IL1RAPL1: variants seen among roughly 807,000 people sequenced by gnomAD.
IL1RAPL1 encodes interleukin-1 receptor accessory protein-like 1.
Under a neutral mutation model 48.4 loss-of-function variants are expected in IL1RAPL1, and 3 were observed. That is an observed-to-expected ratio of 0.06 (90% CI 0.03 to 0.16). The LOEUF (loss-of-function observed/expected upper bound fraction) is 0.16, where lower values mean the gene tolerates loss of function less well. Ranked by LOEUF, IL1RAPL1 falls within the 10% of genes least tolerant of loss-of-function variation. IL1RAPL1 has a pLI of 1.00. For synonymous variants in IL1RAPL1, 185 were observed against 187.7 expected, an observed-to-expected ratio of 0.99 and a Z score of 0.12; for missense variants, 349 against 530.6, an observed-to-expected ratio of 0.66 and a Z score of 3.36.
In IL1RAPL1 at chrX:29,548,090, A is replaced by G. The variant is rs187487596; in HGVS notation, c.704-120340A>G. The stretch of plus-strand genomic sequence containing the variant: ...GATACGCTTGTTCCATTTCAAGTCA[A>G]ATGACACCATTAGTTAATTAGTGTT... On this transcript the variant is annotated intron_variant, in intron 5 of 10. Coordinates refer to ENST00000378993, the MANE Select transcript of IL1RAPL1 (RefSeq NM_014271.4). 2.7e-5 allele frequency among the ~76,000 whole-genome samples: 3 copies of G among 112,756 alleles called. No individual in the cohort carries two copies. The East Asian group carries it at 8.3e-4, about 31-fold the overall frequency.
intron 2 of IL1RAPL1, among the ~76,000 whole-genome samples, chrX:29,158,466 C>T (rs769146769): frequency 3.4e-4 from 38 of 110,852 alleles, no homozygotes; most frequent in African/African-American, 1.1e-3. Flanking sequence ...CTCTGCCTAC[C>T]GGGTTCAAGT....
chrX:29,463,058 A>T (rs768971809), intron 5 of IL1RAPL1, among the ~76,000 whole-genome samples: 32 of 111,925 alleles, frequency 2.9e-4, no homozygotes, highest in Non-Finnish European at 5.6e-4. Context: ...CTAATAACAG[A>T]TTTGCCCTGT....
intron 5 of IL1RAPL1, among the ~76,000 whole-genome samples, chrX:29,587,517 G>A (rs183306778): frequency 7.2e-5 from 8 of 111,282 alleles, no homozygotes; most frequent in Admixed American, 1.9e-4. Flanking sequence ...GCTCAGAGTA[G>A]ATTTTAAGCA....
At chrX:28,841,214 C>T (rs1050958589) in intron 2 of IL1RAPL1, among the ~76,000 whole-genome samples, 15 of 110,599 alleles carry the variant, frequency 1.4e-4, no homozygotes, top group African/African-American at 4.6e-4. Flanking sequence ...GACAAATTTA[C>T]ACTTATTATG....
chrX:28,945,887 GTATA>G (rs748338390), intron 2 of IL1RAPL1, among the ~76,000 whole-genome samples: 7 of 58,417 alleles, frequency 1.2e-4, no homozygotes, highest in South Asian at 7.1e-4. Context: ...ATATATGTAT[GTATA>G]TATATATATA....
chrX:29,455,471 G>A (rs936661062), intron 5 of IL1RAPL1, among the ~76,000 whole-genome samples: 9 of 111,828 alleles, frequency 8.0e-5, no homozygotes, highest in African/African-American at 2.3e-4. Context: ...AAGAGAAGTA[G>A]AGTGTTAATT....
At chrX:29,497,643 A>G (rs1935227806) in intron 5 of IL1RAPL1, among the ~76,000 whole-genome samples, 1 of 110,877 alleles carries the variant, frequency 9.0e-6, no homozygotes, top group South Asian at 3.7e-4. Context: ...GCTTGCTTAT[A>G]TTATTTTGTA....
At chrX:29,410,783 A>G (rs1004795037) in intron 5 of IL1RAPL1, among the ~76,000 whole-genome samples, 2 of 112,589 alleles carry the variant, frequency 1.8e-5, no homozygotes, top group African/African-American at 6.5e-5. Context: ...AAAAAGTTAC[A>G]TAATTCAAAT....
rs1044618653 is a variant in IL1RAPL1, at chrX:29,137,255, C to T, written c.83-145683C>T. Reference sequence around the variant, plus strand: ...TTAAAAAATTACACACACACACTTGCGCTCACACACACACACACACACACA... The same window carrying T: ...TTAAAAAATTACACACACACACTTGTGCTCACACACACACACACACACACA... On this transcript the variant is annotated intron_variant, in intron 2 of 10. Transcript: ENST00000378993. Among the ~76,000 whole-genome samples the T allele has an allele frequency of 2.9e-4, 10 of 33,954 alleles. No homozygotes were observed. In the East Asian group the frequency reaches 4.5e-3, roughly 15 times the overall value. The allele number at this position is 33,954 out of a possible 115,157, so 29.5% of individuals were successfully genotyped here. A position where few individuals can be genotyped will look rare whatever the true frequency, so the allele number is the denominator to read the frequency against.
chrX:28,930,249 A>G (rs1314505173), intron 2 of IL1RAPL1, among the ~76,000 whole-genome samples: 1 of 112,562 alleles, frequency 8.9e-6, no homozygotes, highest in African/African-American at 3.2e-5. Flanking sequence ...AACATGCAGT[A>G]GCTATTTTTT....
At position 29,752,792 on chromosome X, in the gene IL1RAPL1, G is replaced by C. The variant is rs146478614; in HGVS notation, c.778+84288G>C. Among the ~76,000 whole-genome samples the C allele has an allele frequency of 3.2e-4, 36 of 111,745 alleles. No homozygotes were observed. In the East Asian group the frequency reaches 9.3e-3, roughly 29 times the overall value. The stretch of plus-strand genomic sequence containing the variant: ...TTAGAAATGGTACAGAGGAAAGTTA[G>C]TAAAAGTAATCACTCTAAAAGTGAG... On this transcript the variant is annotated intron_variant, in intron 6 of 10. Transcript: ENST00000378993.
chrX:29,382,214 G>A (rs1933720442), intron 3 of IL1RAPL1, among the ~76,000 whole-genome samples: 1 of 111,412 alleles, frequency 9.0e-6, no homozygotes, highest in Non-Finnish European at 1.9e-5. Flanking sequence ...GGGAAAACTT[G>A]ACATTCAGAT....
At chrX:29,919,828 C>A in intron 7 of IL1RAPL1, 121 bp from the exon 8 acceptor site, 1 of 699,936 alleles carries the variant, frequency 1.4e-6, no homozygotes. Context: ...AATTCATAGC[C>A]AAATTAGAAG....
At chrX:29,298,813 A>G (rs1405937300) in intron 3 of IL1RAPL1, among the ~76,000 whole-genome samples, 1 of 111,699 alleles carries the variant, frequency 9.0e-6, no homozygotes, top group Non-Finnish European at 1.9e-5. Flanking sequence ...AATGTTTTAT[A>G]GGACTATCAT....
chrX:29,532,869 C>T (rs752067600), intron 5 of IL1RAPL1, among the ~76,000 whole-genome samples: 3 of 111,693 alleles, frequency 2.7e-5, no homozygotes, highest in South Asian at 7.6e-4. Flanking sequence ...CCCATTGACT[C>T]CCAAGAAGCG....
intron 2 of IL1RAPL1, among the ~76,000 whole-genome samples, chrX:28,831,026 C>CTCTCTCTCTCTCTCTCTCTCTG (rs1438889606): frequency 3.0e-5 from 1 of 33,645 alleles, no homozygotes; most frequent in Non-Finnish European, 4.9e-5. Flanking sequence ...CTCTCTCTCT[C>CTCTCTCTCTCTCTCTCTCTCTG]TGTGTGTGTG....
intron 3 of IL1RAPL1, among the ~76,000 whole-genome samples, chrX:29,374,376 A>G (rs1303255266): frequency 1.0e-5 from 1 of 95,786 alleles, no homozygotes. Context: ...TCTGCTGCTC[A>G]GGCTGGAGTG....
At chrX:29,798,586 C>T (rs897378487) in intron 6 of IL1RAPL1, among the ~76,000 whole-genome samples, 1 of 111,955 alleles carries the variant, frequency 8.9e-6, no homozygotes, top group Non-Finnish European at 1.9e-5. Flanking sequence ...TTCAGGAGAG[C>T]TTATCATGAC....
At chrX:29,715,170 G>A (rs1311344701) in intron 6 of IL1RAPL1, among the ~76,000 whole-genome samples, 5 of 111,523 alleles carry the variant, frequency 4.5e-5, no homozygotes, top group African/African-American at 1.6e-4. Flanking sequence ...TATTTTTCCA[G>A]CTGCTAGGAG....
Sources: gnomAD v4.1 joint callset for allele counts (sites outside exome capture counted in the v4.1 genomes callset) on GRCh38, gnomAD v4.1.1 for gene constraint, MANE v1.5 for transcripts, NCBI Gene and HGNC (gene_info 2026-07-23, HGNC 2026-07-21) for gene names.